ZNF346: variants seen among roughly 807,000 people sequenced by gnomAD.
ZNF346 encodes the protein zinc finger protein 346, also known as double-stranded RNA-binding zinc finger protein JAZ.
Under a neutral mutation model 33.7 loss-of-function variants are expected in ZNF346, and 23 were observed. That is an observed-to-expected ratio of 0.68 (90% CI 0.49 to 0.97). The LOEUF is 0.97. Among genes scored for constraint, ZNF346 ranks in the 50% least tolerant of loss-of-function variants. The probability of loss-of-function intolerance (pLI) is 0.00; values close to 1 mark genes in which losing one functional copy is unlikely to be tolerated. For missense variants in ZNF346, 340 were observed against 371.1 expected, an observed-to-expected ratio of 0.92 and a Z score of 0.69; for synonymous variants, 134 against 142.4, an observed-to-expected ratio of 0.94 and a Z score of 0.42.
At chr5:177,026,859 A>C (rs542828051) in intron 1 of ZNF346, among the ~76,000 whole-genome samples, 3 of 152,198 alleles carry the variant, frequency 2.0e-5, no homozygotes, top group African/African-American at 7.2e-5. Context: ...TTGGCTGTAC[A>C]TTAAGCTGTA....
At chr5:177,072,179 C>T (rs988629953), downstream of ZNF346, among the ~76,000 whole-genome samples, 6 of 152,222 alleles carry the variant, frequency 3.9e-5, no homozygotes, top group African/African-American at 1.4e-4. Context: ...AGGAGAAAGT[C>T]AGGGACAAAG....
At chr5:177,023,091 G>C (rs921272113) in intron 1 of ZNF346, 178 bp downstream of exon 1, 1 of 1,447,442 alleles carries the variant, frequency 6.9e-7, no homozygotes, top group African/African-American at 1.4e-5. Context: ...CCCCCAGCGC[G>C]CTGAGGGTGA....
Position 177,036,968 on chromosome 5 carries a change from GA to G in ZNF346, c.176-4148del, listed in dbSNP as rs916382074. Among the ~76,000 whole-genome samples the G allele has an allele frequency of 4.7e-3, 693 of 146,282 alleles. 3 individuals carry two copies. In the Middle Eastern group the frequency reaches 0.055, roughly 12 times the overall value. ...GTTTGTTTGTTTTTCCCCATCTGGG[GA>G]AAAAAAAAAGCCGCTGATTCCTACT... is the stretch of plus-strand genomic sequence containing the variant. On this transcript the variant is annotated intron_variant, in intron 1 of 6. Transcript: ENST00000358149.
At chr5:177,030,906 A>AT (rs760757696) in intron 1 of ZNF346, among the ~76,000 whole-genome samples, 5,963 of 103,010 alleles carry the variant, frequency 0.058, 63 homozygotes, top group African/African-American at 0.075. Flanking sequence ...GCTTAGTGTA[A>AT]TTTTTTTTTT....
intron 5 of ZNF346, among the ~76,000 whole-genome samples, chr5:177,053,553 A>G (rs1179270717): frequency 6.6e-6 from 1 of 152,058 alleles, no homozygotes; most frequent in Non-Finnish European, 1.5e-5. Context: ...TGACTGGACC[A>G]TTTCTAATAC....
intron 4 of ZNF346, among the ~76,000 whole-genome samples, chr5:177,048,515 G>A (rs1053584078): frequency 2.0e-5 from 3 of 152,208 alleles, no homozygotes; most frequent in African/African-American, 4.8e-5. Context: ...CATCTACTTC[G>A]GAGACTGAAG....
intron 4 of ZNF346, among the ~76,000 whole-genome samples, chr5:177,045,675 G>A (rs1779937818): frequency 6.6e-6 from 1 of 151,684 alleles, no homozygotes. Context: ...TTTTTAAATA[G>A]AGATGGCTTC....
intron 5 of ZNF346, chr5:177,051,810 T>G (rs888733180): frequency 6.6e-6 from 1 of 152,286 alleles, no homozygotes; most frequent in Non-Finnish European, 1.5e-5. Context: ...GTGCTGAGAT[T>G]ACAGGCGTGA....
At chr5:177,041,975 T>C in intron 3 of ZNF346, 105 bp downstream of exon 3, 1 of 659,426 alleles carries the variant, frequency 1.5e-6, no homozygotes, top group Non-Finnish European at 2.7e-6. Context: ...CCTGGCCCTG[T>C]TGTGTGACTC....
rs955269095 is a variant in ZNF346 at position 177,035,031 on chromosome 5, T to TA, written c.176-6095_176-6094insA. 4.6e-5 allele frequency among the ~76,000 whole-genome samples: 7 copies of TA among 152,136 alleles called. 2 individuals are homozygous for TA. The highest frequency in any genetic ancestry group is 1.7e-4 in the African/African-American group (7 of 41,478). ...TCTTTTCTTTTCTTTTCTTTTTTTT[T>TA]TTTGAGATGGAGTCTTACTCTGTCG... On this transcript the variant is annotated intron_variant, in intron 1 of 6. Coordinates refer to ENST00000358149, the MANE Select transcript of ZNF346 (RefSeq NM_012279.4).
At chr5:177,062,172 A>G (rs747813394) in intron 6 of ZNF346, 21 bp downstream of exon 6, 1 of 1,607,938 alleles carries the variant, frequency 6.2e-7, no homozygotes, top group South Asian at 1.1e-5. Context: ...ATTTTTTGAA[A>G]TTCTAGGATC....
At chr5:177,048,729 A>C (rs923854488) in intron 4 of ZNF346, among the ~76,000 whole-genome samples, 1 of 151,848 alleles carries the variant, frequency 6.6e-6, no homozygotes, top group African/African-American at 2.4e-5. Flanking sequence ...TTGTTGTTCT[A>C]TAAAATTGAG....
In ZNF346 at chr5:177,077,874, C is replaced by T. The variant is rs560737998; in HGVS notation, c.*3-1508C>T. Among the ~76,000 whole-genome samples, 1 of 152,214 alleles carries T rather than the reference C, an allele frequency of 6.6e-6. No homozygotes were observed. The highest frequency in any genetic ancestry group is 6.5e-5 in the Admixed American group (1 of 15,298). On this transcript the variant is annotated intron_variant, in intron 8 of 8. Coordinates refer to the ZNF346 transcript ENST00000503039. This position sits in a 1 kb window ranked among gnomAD's most constrained non-coding sequence, Gnocchi z 5.0. ...AGAAAAAGGAATGCCTGGCCAGGCG[C>T]GGTGGCTCACGCCTGTAATCCCAGC...
chr5:177,034,558 C>G (rs1778207978), intron 1 of ZNF346, among the ~76,000 whole-genome samples: 1 of 152,130 alleles, frequency 6.6e-6, no homozygotes, highest in South Asian at 2.1e-4. Flanking sequence ...AATTATCTTG[C>G]TGTCCCACAA....
At chr5:177,044,604 C>T in intron 4 of ZNF346, 71 bp downstream of exon 4, 1 of 1,523,696 alleles carries the variant, frequency 6.6e-7, no homozygotes, top group African/African-American at 1.4e-5. Flanking sequence ...CAGGGGCTCA[C>T]AGAGATCCTC....
chr5:177,069,204 C>T (rs1263215441), downstream of ZNF346, among the ~76,000 whole-genome samples: 3 of 125,766 alleles, frequency 2.4e-5, 1 homozygote. Flanking sequence ...TGCCTGTAAT[C>T]CCAGCTCTTT....
At chr5:177,060,223 C>T (rs1284051046) in intron 5 of ZNF346, among the ~76,000 whole-genome samples, 1 of 152,076 alleles carries the variant, frequency 6.6e-6, no homozygotes, top group Non-Finnish European at 1.5e-5. Flanking sequence ...GAAGAAAATA[C>T]AAAAATTACC....
chr5:177,041,711 GT>G, intron 2 of ZNF346, 66 bp from the exon 3 acceptor site: 2 of 1,026,660 alleles, frequency 1.9e-6, no homozygotes, highest in South Asian at 1.4e-5. Context: ...TCTCATAAGT[GT>G]TTTTGAGTGC....
In ZNF346 at chr5:177,066,048, C is replaced by T. The variant is rs1393545533; in HGVS notation, c.*1449C>T. 1.4e-5 allele frequency: 2 copies of T among 145,226 alleles called. No individual in the cohort carries two copies. The highest frequency in any genetic ancestry group is 2.0e-4 in the East Asian group (1 of 4,926). The allele number at this position is 145,226 out of a possible 1,614,324, so 9.0% of individuals were successfully genotyped here. On this transcript the variant is annotated 3_prime_UTR_variant, in exon 7 of 7. Coordinates refer to ENST00000358149, the MANE Select transcript of ZNF346 (RefSeq NM_012279.4). ...TATGTCTGTCTTGACCCCTCACCCC[C>T]ACCCCATTCAGACCTCAGTAGTCCC...
Sources: gnomAD v4.1 joint callset for allele counts (sites outside exome capture counted in the v4.1 genomes callset) on GRCh38, gnomAD v4.1.1 for gene constraint, Gnocchi (gnomAD v3.1) non-coding constraint, MANE v1.5 for transcripts, NCBI Gene and HGNC (gene_info 2026-07-23, HGNC 2026-07-21) for gene names.